CYP3A4: variants seen among roughly 807,000 people sequenced by gnomAD.
The protein encoded by CYP3A4 is cytochrome P450 family 3 subfamily A member 4.
CYP3A4 carries 41 observed loss-of-function variants against 54.9 expected under a neutral mutation model. The ratio of observed to expected loss-of-function variants is 0.75; its 90% CI spans 0.58 to 0.97. The LOEUF (loss-of-function observed/expected upper bound fraction) is 0.97, where lower values mean the gene tolerates loss of function less well. CYP3A4 is among the 50% of genes least tolerant of loss of function. CYP3A4 has a pLI of 0.00. For synonymous variants in CYP3A4, 179 were observed against 205.2 expected (o/e 0.87, Z 1.09); for missense variants, 510 against 597.3 (o/e 0.85, Z 1.52).
intron 1 of CYP3A4, 128 bp downstream of exon 1, chr7:99,783,883 A>C: frequency 9.3e-7 from 1 of 1,070,192 alleles, no homozygotes; most frequent in Non-Finnish European, 1.4e-6. Context: ...TGCTGGGATT[A>C]CAGGTGTAAG....
chr7:99,769,152 G>T (rs1258773068), intron 6 of CYP3A4, among the ~76,000 whole-genome samples: 1 of 152,088 alleles, frequency 6.6e-6, no homozygotes, highest in Non-Finnish European at 1.5e-5. Flanking sequence ...TTTCTATAGT[G>T]AGTGACCACA....
intron 11 of CYP3A4, among the ~76,000 whole-genome samples, chr7:99,761,726 G>T (rs893592063): frequency 5.0e-4 from 76 of 152,036 alleles, no homozygotes; most frequent in African/African-American, 1.7e-3. Flanking sequence ...TATTCATTTG[G>T]GGGACATAAT....
At chr7:99,763,527 C>T (rs577676964) in intron 10 of CYP3A4, among the ~76,000 whole-genome samples, 1 of 152,176 alleles carries the variant, frequency 6.6e-6, no homozygotes, top group South Asian at 2.1e-4. Flanking sequence ...ACATGTAATT[C>T]ACAACCAAAA....
intron 11 of CYP3A4, among the ~76,000 whole-genome samples, 178 bp from the exon 12 acceptor site, chr7:99,761,159 C>T (rs1165242927): frequency 6.6e-6 from 1 of 152,184 alleles, no homozygotes; most frequent in Non-Finnish European, 1.5e-5. Context: ...AGCTACAGAT[C>T]CTTTCTACTC....
chr7:99,758,262 TA>T, intron 12 of CYP3A4, 34 bp from the exon 13 acceptor site: 1 of 1,604,450 alleles, frequency 6.2e-7, no homozygotes, highest in Non-Finnish European at 8.5e-7. Flanking sequence ...TGAGAAGCAT[TA>T]AATAAACAAA....
intron 11 of CYP3A4, 141 bp downstream of exon 11, chr7:99,761,900 T>A: frequency 1.2e-6 from 1 of 808,636 alleles, no homozygotes. Context: ...AATAATCAAT[T>A]TGATGATTAA....
chr7:99,771,926 C>CA (rs1027246179), intron 4 of CYP3A4, among the ~76,000 whole-genome samples: 10 of 151,926 alleles, frequency 6.6e-5, no homozygotes, highest in Non-Finnish European at 1.3e-4. Flanking sequence ...ATACCTTATA[C>CA]AAAAAATAAC....
chr7:99,760,254 C>A (rs1464374835), intron 12 of CYP3A4, among the ~76,000 whole-genome samples: 1 of 152,192 alleles, frequency 6.6e-6, no homozygotes, highest in Non-Finnish European at 1.5e-5. Context: ...TTTATATCCA[C>A]CAGAAATGCC....
rs1470530711 is a variant in CYP3A4 at position 99,775,050 on chromosome 7, C to T, written c.219-2361G>A. ...AGCATTCCTACACACCAATAATAGA[C>T]AAACAGAGAGCCAAATCATGAGTGA... On this transcript the variant is annotated intron_variant, in intron 3 of 12. Transcript: ENST00000651514. 3.3e-5 allele frequency among the ~76,000 whole-genome samples: 5 copies of T among 152,178 alleles called. No individual in the cohort carries two copies. The East Asian group carries it at 9.7e-4, about 29-fold the overall frequency.
intron 2 of CYP3A4, among the ~76,000 whole-genome samples, chr7:99,778,533 G>T (rs988400132): frequency 6.6e-6 from 1 of 152,190 alleles, no homozygotes; most frequent in Non-Finnish European, 1.5e-5. Flanking sequence ...TAGAGTTCTA[G>T]CAGAATTGGA....
chr7:99,761,939 AAAT>A, intron 11 of CYP3A4, 99 bp downstream of exon 11: 1 of 1,051,594 alleles, frequency 9.5e-7, no homozygotes, highest in Non-Finnish European at 1.4e-6. Flanking sequence ...AAATACAAGC[AAAT>A]AATTATACAA....
chr7:99,768,561 T>C (rs565756662), intron 6 of CYP3A4, 59 bp from the exon 7 acceptor site: 20 of 1,611,438 alleles, frequency 1.2e-5, no homozygotes, highest in Admixed American at 1.7e-5. Flanking sequence ...CCTTCCTCTA[T>C]GCATGCAACA....
chr7:99,763,840 G>A lies in CYP3A4; in HGVS notation c.1026+15C>T, dbSNP rs1342745260. On this transcript the variant is annotated intron_variant, in intron 10 of 12. Coordinates refer to ENST00000651514, the MANE Select transcript of CYP3A4 (RefSeq NM_017460.6). ...TTTCACCTCCTCCCTCCTTCTCCAT[G>A]TACCATCCACTCACCTTATTGGGTA... 3 of 1,613,704 alleles carry A rather than the reference G, an allele frequency of 1.9e-6. No individual in the cohort carries two copies. The highest frequency in any genetic ancestry group is 3.3e-5 in the Admixed American group (2 of 59,970).
chr7:99,772,487 A>G, intron 4 of CYP3A4, 103 bp downstream of exon 4: 1 of 1,470,958 alleles, frequency 6.8e-7, no homozygotes, highest in Admixed American at 1.8e-5. Flanking sequence ...GTGGACGTGG[A>G]ACCTTCCTGG....
intron 12 of CYP3A4, among the ~76,000 whole-genome samples, chr7:99,758,803 C>T (rs1013947123): frequency 6.6e-6 from 1 of 152,200 alleles, no homozygotes; most frequent in Non-Finnish European, 1.5e-5. Context: ...GATGGGAAGA[C>T]ACCTTCAGGA....
At chr7:99,770,916 A>G (rs1216829870) in intron 4 of CYP3A4, among the ~76,000 whole-genome samples, 3 of 152,152 alleles carry the variant, frequency 2.0e-5, no homozygotes, top group Non-Finnish European at 4.4e-5. Context: ...TATAATGAGT[A>G]CTTCCAGCAT....
At chr7:99,761,475 C>CCCTCCTTCTCT (rs1554435652) in intron 11 of CYP3A4, among the ~76,000 whole-genome samples, 89 of 152,002 alleles carry the variant, frequency 5.9e-4, no homozygotes, top group South Asian at 2.3e-3. Context: ...CTTGTCTTCT[C>CCCTCCTTCTCT]CCTCCTTCTC....
intron 9 of CYP3A4, among the ~76,000 whole-genome samples, chr7:99,765,469 G>A (rs1205147273): frequency 6.9e-6 from 1 of 145,662 alleles, no homozygotes; most frequent in African/African-American, 2.7e-5. Context: ...TAGATGGATA[G>A]ATGATAGATA....
rs374926260 is a variant in CYP3A4, at chr7:99,762,179, C to G, written c.1115G>C (p.Arg372Thr). 1.2e-6 allele frequency: 2 copies of G among 1,613,940 alleles called. No individual in the cohort carries two copies. Among genetic ancestry groups the G allele is most frequent in the Admixed American group, 1.7e-5 (1 of 60,008 alleles). Residue 372 changes from arginine (R) to threonine (T), a missense_variant, in exon 11 of 13, where the codon AGA becomes ACA. Arg to Thr is a moderately conservative substitution (Grantham distance 71). This residue lies in a region of CYP3A4 where 238 missense variants were observed against 322.5 expected (regional missense o/e 0.74). Coordinates refer to ENST00000651514, the MANE Select transcript of CYP3A4 (RefSeq NM_017460.6). ...ETLRLFPIAM[R>T]LERVCKKDVE... ...ATCTTTTTTGCAGACCCTCTCAAGT[C>G]TCATAGCAATTGGGAATAATCTGAG...
Sources: allele counts gnomAD v4.1 joint callset (sites outside exome capture counted in the v4.1 genomes callset), GRCh38; gene constraint gnomAD v4.1.1; regional missense constraint gnomAD v4.1.1; transcripts MANE v1.5; gene names NCBI Gene and HGNC (gene_info 2026-07-23, HGNC 2026-07-21).